Variants in PRKAG2 observed in about 807,000 individuals in gnomAD.
PRKAG2 encodes the protein 5'-AMP-activated protein kinase subunit gamma-2.
In PRKAG2, 26 loss-of-function variants were observed where a neutral mutation model predicts 69.6. That is an observed-to-expected ratio of 0.37 (90% confidence interval 0.27 to 0.52). The LOEUF (loss-of-function observed/expected upper bound fraction) is 0.52. Among genes scored for constraint, PRKAG2 ranks in the 20% least tolerant of loss-of-function variants. PRKAG2 has a pLI of 0.90. For synonymous variants in PRKAG2, 293 were observed against 285.0 expected (o/e 1.03, Z -0.28); for missense variants, 557 against 740.0 (o/e 0.75, Z 2.87).
intron 4 of PRKAG2, among the ~76,000 whole-genome samples, chr7:151,635,573 G>C (rs1228847789): frequency 6.6e-6 from 1 of 152,080 alleles, no homozygotes; most frequent in African/African-American, 2.4e-5. Flanking sequence ...ATGCTGAGGG[G>C]GAAAAAGCCA....
In PRKAG2 at chr7:151,850,632, C is replaced by G. The variant is rs924227204; in HGVS notation, c.114+25875G>C. The stretch of plus-strand genomic sequence containing the variant: ...AAATCCTCAAGTTCTACACTCCTTC[C>G]CGCCTGCCCCACCTCCATCGTCCTG... On this transcript the variant is annotated intron_variant, in intron 1 of 15. Transcript: ENST00000287878. This position sits in a 1 kb window ranked among gnomAD's most constrained non-coding sequence, Gnocchi z 4.1. Among the ~76,000 whole-genome samples the G allele has an allele frequency of 4.6e-5, 7 of 152,226 alleles. No individual in the cohort carries two copies. Among genetic ancestry groups the G allele is most frequent in the Middle Eastern group, 6.3e-3 (2 of 316 alleles).
intron 3 of PRKAG2, among the ~76,000 whole-genome samples, chr7:151,731,982 T>G (rs1472884645): frequency 6.6e-6 from 1 of 151,892 alleles, no homozygotes; most frequent in Non-Finnish European, 1.5e-5. Flanking sequence ...GGACTACAGG[T>G]GCACACAACC....
chr7:151,595,481 G>A, intron 5 of PRKAG2, 27 bp from the exon 6 acceptor site: 1 of 1,473,990 alleles, frequency 6.8e-7, no homozygotes. Flanking sequence ...CAAAACATCA[G>A]TAATAATAAA....
chr7:151,743,773 C>T (rs1431985012), intron 3 of PRKAG2, among the ~76,000 whole-genome samples: 1 of 152,206 alleles, frequency 6.6e-6, no homozygotes, highest in Admixed American at 6.5e-5. Flanking sequence ...AGCAGCATGT[C>T]CTGTTCCTGG....
At chr7:151,858,034 C>T (rs570194390) in intron 1 of PRKAG2, among the ~76,000 whole-genome samples, 11 of 152,338 alleles carry the variant, frequency 7.2e-5, no homozygotes, top group African/African-American at 2.4e-4. Context: ...GTGCTGTGGC[C>T]CCTCGGCTGC....
chr7:151,812,339 C>T (rs952323762), intron 1 of PRKAG2, among the ~76,000 whole-genome samples: 2 of 152,100 alleles, frequency 1.3e-5, no homozygotes, highest in Admixed American at 1.3e-4. Flanking sequence ...GTCTGTGGGG[C>T]ATCTCTGGGG....
chr7:151,811,988 A>G (rs943274501), intron 1 of PRKAG2, among the ~76,000 whole-genome samples: 1 of 152,176 alleles, frequency 6.6e-6, no homozygotes, highest in Non-Finnish European at 1.5e-5. Flanking sequence ...TAAAAGGGAA[A>G]TCTCCCAGGA....
chr7:151,560,713 A>AAC, intron 14 of PRKAG2, 96 bp from the exon 15 acceptor site: 1 of 1,465,892 alleles, frequency 6.8e-7, no homozygotes, highest in Non-Finnish European at 9.4e-7. Context: ...TTATATGATC[A>AAC]ACACATCCCT....
chr7:151,599,981 C>T (rs1010042145), intron 5 of PRKAG2, among the ~76,000 whole-genome samples: 2 of 152,194 alleles, frequency 1.3e-5, no homozygotes, highest in African/African-American at 4.8e-5. Context: ...GACACTACTG[C>T]TTCCTCTGCC....
chr7:151,581,221 G>A (rs567020719), intron 6 of PRKAG2, among the ~76,000 whole-genome samples: 12 of 152,254 alleles, frequency 7.9e-5, no homozygotes, highest in African/African-American at 2.9e-4. Flanking sequence ...ATAGCAAAAT[G>A]GTAGACAAAC....
chr7:151,725,632 C>T (rs1033557608), intron 3 of PRKAG2, among the ~76,000 whole-genome samples: 4 of 151,104 alleles, frequency 2.6e-5, no homozygotes, highest in African/African-American at 9.7e-5. Flanking sequence ...TATCAAGAAA[C>T]CAAATAAAAC....
intron 6 of PRKAG2, among the ~76,000 whole-genome samples, chr7:151,580,547 T>C (rs1202621117): frequency 6.6e-6 from 1 of 152,118 alleles, no homozygotes; most frequent in African/African-American, 2.4e-5. Context: ...CAATAGCACA[T>C]AGGGTAGGAG....
chr7:151,686,182 C>T (rs751130218), intron 3 of PRKAG2, among the ~76,000 whole-genome samples: 5 of 152,052 alleles, frequency 3.3e-5, no homozygotes, highest in African/African-American at 7.3e-5. Context: ...CCCATAGGAC[C>T]GGAAGATCCT....
rs933143320 is a variant in PRKAG2 at position 151,719,120 on chromosome 7, C to A, written c.467-43483G>T. Among the ~76,000 whole-genome samples, 8 of 152,284 alleles carry A rather than the reference C, an allele frequency of 5.3e-5. No homozygotes were observed. Among genetic ancestry groups the A allele is most frequent in the African/African-American group, 1.9e-4 (8 of 41,570 alleles). On this transcript the variant is annotated intron_variant, in intron 3 of 15. Coordinates refer to ENST00000287878, the MANE Select transcript of PRKAG2 (RefSeq NM_016203.4). The surrounding 1 kb of genome is among the most constrained non-coding windows in gnomAD (Gnocchi z 5.2). ...AGGAGACGTGTGCCACCCTGTTCCC[C>A]GAGCGTTGCTCCGGGAGACGAGATG...
intron 3 of PRKAG2, among the ~76,000 whole-genome samples, chr7:151,695,640 T>G (rs1342065864): frequency 1.3e-5 from 2 of 152,174 alleles, no homozygotes; most frequent in African/African-American, 4.8e-5. Flanking sequence ...GCTGCTCACT[T>G]ATGAGCAGAG....
At chr7:151,584,723 C>G (rs1811243740) in intron 6 of PRKAG2, among the ~76,000 whole-genome samples, 1 of 152,036 alleles carries the variant, frequency 6.6e-6, no homozygotes, top group Non-Finnish European at 1.5e-5. Flanking sequence ...ATAGCAAAAC[C>G]CTGCCTCTAC....
intron 3 of PRKAG2, among the ~76,000 whole-genome samples, chr7:151,772,424 C>T (rs528513625): frequency 2.6e-5 from 4 of 152,286 alleles, no homozygotes; most frequent in African/African-American, 4.8e-5. Context: ...CCTGGACCCC[C>T]GTTATGCATT....
Position 151,556,755 on chromosome 7 carries a change from G to A in PRKAG2, c.*446C>T, listed in dbSNP as rs1473712318. 2 of 162,784 alleles carry A rather than the reference G, an allele frequency of 1.2e-5. No homozygotes were observed. The highest frequency in any genetic ancestry group is 3.5e-4 in the East Asian group (2 of 5,736). The allele number at this position is 162,784 out of a possible 1,614,324, so 10.1% of individuals were successfully genotyped here. A position where few individuals can be genotyped will look rare whatever the true frequency, so the allele number is the denominator to read the frequency against. Reference sequence around the variant, plus strand: ...AAGAAAACAAACTGATTTGGTAAAAGGTTCAAAGACTTCCACATTCAAGCT... The same window carrying A: ...AAGAAAACAAACTGATTTGGTAAAAAGTTCAAAGACTTCCACATTCAAGCT... On this transcript the variant is annotated 3_prime_UTR_variant, in exon 16 of 16. Transcript: ENST00000287878.
At chr7:151,642,439 G>A (rs1826895472) in intron 4 of PRKAG2, among the ~76,000 whole-genome samples, 1 of 152,166 alleles carries the variant, frequency 6.6e-6, no homozygotes, top group Non-Finnish European at 1.5e-5. Context: ...TGAGGTGGGA[G>A]GACTGCTTGA....
Sources: allele counts gnomAD v4.1 joint callset (sites outside exome capture counted in the v4.1 genomes callset), GRCh38; gene constraint gnomAD v4.1.1; non-coding constraint Gnocchi (gnomAD v3.1); transcripts MANE v1.5; gene names NCBI Gene and HGNC (gene_info 2026-07-23, HGNC 2026-07-21).